The following IFNG-AS1 variants were observed in gnomAD, a reference collection of about 807,000 sequenced individuals.
The protein encoded by IFNG-AS1 is IFNG regulatory antisense RNA 1.
chr12:68,014,158 G>A (rs998025757), intron 3 of IFNG-AS1, among the ~76,000 whole-genome samples: 2 of 152,114 alleles, frequency 1.3e-5, no homozygotes, highest in African/African-American at 2.4e-5. Flanking sequence ...CCATCATAAT[G>A]TATACCACAG....
chr12:67,995,219 G>A (rs142312195), intron 1 of IFNG-AS1, among the ~76,000 whole-genome samples: 1,722 of 151,928 alleles, frequency 0.011, 38 homozygotes, highest in African/African-American at 0.039. Flanking sequence ...TCAAGAGATC[G>A]AGACCATCCT....
intron 3 of IFNG-AS1, among the ~76,000 whole-genome samples, chr12:68,015,183 G>GAC (rs1301731713): frequency 6.6e-6 from 1 of 152,132 alleles, no homozygotes; most frequent in Admixed American, 6.5e-5. Flanking sequence ...AAGCCAGATG[G>GAC]ACACAAAGCT....
At chr12:68,019,437 G>T (rs1254379765) in intron 3 of IFNG-AS1, among the ~76,000 whole-genome samples, 1 of 152,130 alleles carries the variant, frequency 6.6e-6, no homozygotes, top group South Asian at 2.1e-4. Context: ...CAGGCAGCTG[G>T]GCTGCAGATA....
chr12:68,000,749 C>G (rs1879749066), intron 2 of IFNG-AS1, among the ~76,000 whole-genome samples: 3 of 152,078 alleles, frequency 2.0e-5, no homozygotes, highest in Non-Finnish European at 4.4e-5. Context: ...TCCCCCAGAT[C>G]AATATGTTCC....
rs192260356 is a variant in IFNG-AS1 at position 68,013,044 on chromosome 12, A to G, written n.242-6818A>G. Reference sequence around the variant, plus strand: ...AGAGCAAAGTGATAGAGCTGGAAAGACCAAGCCTTGTCCAGGGCATCTTAG... The same window carrying G: ...AGAGCAAAGTGATAGAGCTGGAAAGGCCAAGCCTTGTCCAGGGCATCTTAG... On this transcript the variant is annotated intron_variant and non_coding_transcript_variant, in intron 3 of 5. Transcript: ENST00000536914. 5.9e-3 allele frequency among the ~76,000 whole-genome samples: 893 copies of G among 152,346 alleles called. 8 individuals are homozygous for G. Among genetic ancestry groups the G allele is most frequent in the African/African-American group, 0.02 (845 of 41,580 alleles).
intron 3 of IFNG-AS1, chr12:68,013,708 G>C (rs1002814908): frequency 6.6e-6 from 1 of 152,196 alleles, no homozygotes; most frequent in African/African-American, 2.4e-5. Context: ...CCATTTCATA[G>C]GTAGGCCTCA....
At chr12:68,005,179 C>T (rs938461206) in intron 2 of IFNG-AS1, among the ~76,000 whole-genome samples, 6 of 152,106 alleles carry the variant, frequency 3.9e-5, no homozygotes, top group African/African-American at 9.7e-5. Context: ...AAAGGGGGAG[C>T]GGGTAATAAT....
intron 1 of IFNG-AS1, among the ~76,000 whole-genome samples, chr12:67,995,626 T>G (rs762858340): frequency 7.0e-6 from 1 of 142,142 alleles, no homozygotes; most frequent in African/African-American, 2.6e-5. Context: ...GAAGGCTGAG[T>G]CAGGAGAATC....
intron 3 of IFNG-AS1, among the ~76,000 whole-genome samples, chr12:68,013,150 A>G (rs2120468936): frequency 6.6e-6 from 1 of 152,354 alleles, no homozygotes; most frequent in South Asian, 2.1e-4. Flanking sequence ...ATCATTATCC[A>G]ATTTTATTGA....
intron 3 of IFNG-AS1, among the ~76,000 whole-genome samples, chr12:68,013,935 G>A (rs1880089873): frequency 6.6e-6 from 1 of 151,956 alleles, no homozygotes; most frequent in Non-Finnish European, 1.5e-5. Flanking sequence ...TTTACCCCTC[G>A]CTCCCCTCCC....
chr12:68,021,054 T>C (rs1198164867), intron 4 of IFNG-AS1: 1 of 152,154 alleles, frequency 6.6e-6, no homozygotes, highest in Non-Finnish European at 1.5e-5. Flanking sequence ...TCCTCCTAAG[T>C]GGCACATCCC....
chr12:67,995,595 G>C (rs1189344626), intron 1 of IFNG-AS1, among the ~76,000 whole-genome samples: 1 of 151,388 alleles, frequency 6.6e-6, no homozygotes, highest in Non-Finnish European at 1.5e-5. Context: ...GGTGTCATGT[G>C]CCTGTATTCC....
At chr12:67,997,865 G>A (rs1410431000) in intron 2 of IFNG-AS1, among the ~76,000 whole-genome samples, 2 of 151,806 alleles carry the variant, frequency 1.3e-5, no homozygotes, top group African/African-American at 4.8e-5. Context: ...TTCACAAAAA[G>A]ATATATAAAA....
chr12:68,013,309 G>T (rs968673247), intron 3 of IFNG-AS1, among the ~76,000 whole-genome samples: 3 of 152,192 alleles, frequency 2.0e-5, no homozygotes, highest in African/African-American at 7.2e-5. Flanking sequence ...GGGCTGCAAG[G>T]TGAAGGACCA....
At chr12:68,008,223 T>C (rs1050770171) in intron 3 of IFNG-AS1, among the ~76,000 whole-genome samples, 23 of 152,222 alleles carry the variant, frequency 1.5e-4, no homozygotes, top group African/African-American at 4.1e-4. Flanking sequence ...GAGACCATCC[T>C]GGCTAACACG....
intron 2 of IFNG-AS1, among the ~76,000 whole-genome samples, chr12:67,998,019 C>G (rs1247048077): frequency 6.6e-6 from 1 of 150,586 alleles, no homozygotes; most frequent in Non-Finnish European, 1.5e-5. Context: ...AAAGAGATAC[C>G]CTCACACATT....
rs372436199 is a variant in IFNG-AS1, at chr12:67,990,007, G to A, written n.51+428G>A. ...TTGGGAAGAAAATGCCATGGGCGCC[G>A]TACTCAGTTTTAAAATGAATTCAGA... On this transcript the variant is annotated intron_variant and non_coding_transcript_variant, in intron 1 of 5. Coordinates refer to ENST00000536914, the Ensembl canonical transcript of IFNG-AS1. 1.5e-4 allele frequency among the ~76,000 whole-genome samples: 23 copies of A among 152,268 alleles called. No homozygotes were observed. The South Asian group carries it at 2.7e-3, about 18-fold the overall frequency.
intron 2 of IFNG-AS1, among the ~76,000 whole-genome samples, chr12:68,000,149 T>G (rs1879734869): frequency 6.6e-6 from 1 of 152,192 alleles, no homozygotes; most frequent in Admixed American, 6.5e-5. Context: ...TATACTGTGG[T>G]AAAGTAAAAT....
intron 3 of IFNG-AS1, among the ~76,000 whole-genome samples, chr12:68,006,604 T>A (rs1266243021): frequency 5.9e-5 from 9 of 152,190 alleles, no homozygotes; most frequent in African/African-American, 2.2e-4. Context: ...TTGGCAAATA[T>A]AATTAAGGCC....
Sources: gnomAD v4.1 joint callset for allele counts (sites outside exome capture counted in the v4.1 genomes callset) on GRCh38, gnomAD v4.1.1 for gene constraint, MANE v1.5 for transcripts, NCBI Gene and HGNC (gene_info 2026-07-23, HGNC 2026-07-21) for gene names.